The following DOCK4 variants were observed in gnomAD, a reference collection of about 807,000 sequenced individuals.
DOCK4 encodes dedicator of cytokinesis 4.
DOCK4 carries 97 observed loss-of-function variants against 268.1 expected under a neutral mutation model. The observed-to-expected ratio is 0.36, with a 90% CI of 0.31 to 0.43. The LOEUF is 0.43. Among genes scored for constraint, DOCK4 ranks in the 20% least tolerant of loss-of-function variants. DOCK4 has a pLI of 1.00. For missense variants in DOCK4, 2,145 were observed against 2,455.7 expected, an observed-to-expected ratio of 0.87 and a Z score of 2.67; for synonymous variants, 954 against 887.2, an observed-to-expected ratio of 1.08 and a Z score of -1.34.
At chr7:111,943,003 T>G (rs1486593223) in intron 10 of DOCK4, among the ~76,000 whole-genome samples, 1 of 152,206 alleles carries the variant, frequency 6.6e-6, no homozygotes, top group African/African-American at 2.4e-5. Flanking sequence ...TGAAAGACAA[T>G]GATCTGCCAC....
chr7:111,996,295 C>T (rs1398834350), intron 4 of DOCK4, among the ~76,000 whole-genome samples: 1 of 152,162 alleles, frequency 6.6e-6, no homozygotes, highest in East Asian at 1.9e-4. Flanking sequence ...AATTTTTAAG[C>T]ATAAAATTGC....
At chr7:111,974,737 C>T (rs1798037562) in intron 8 of DOCK4, among the ~76,000 whole-genome samples, 1 of 151,562 alleles carries the variant, frequency 6.6e-6, no homozygotes, top group Non-Finnish European at 1.5e-5. Flanking sequence ...TTGGGGAACA[C>T]AAACACAACA....
chr7:111,810,979 G>A (rs572958570), intron 28 of DOCK4, among the ~76,000 whole-genome samples: 1 of 152,244 alleles, frequency 6.6e-6, no homozygotes, highest in South Asian at 2.1e-4. Context: ...TCCAGCCTGG[G>A]CAACAGAGCA....
chr7:112,203,010 T>C (rs1821080697), intron 1 of DOCK4, among the ~76,000 whole-genome samples: 1 of 152,172 alleles, frequency 6.6e-6, no homozygotes, highest in Non-Finnish European at 1.5e-5. Flanking sequence ...GTCTCTGTCA[T>C]AGCAGTCTCA....
chr7:111,973,156 C>CATGCATATATATATATATATATAT (rs1554399516), intron 8 of DOCK4, among the ~76,000 whole-genome samples: 1 of 114,062 alleles, frequency 8.8e-6, no homozygotes, highest in African/African-American at 3.6e-5. Flanking sequence ...TATTCCATGG[C>CATGCATATATATATATATATATAT]ATATATATAT....
At chr7:112,004,537 T>C (rs1800698238) in intron 1 of DOCK4, among the ~76,000 whole-genome samples, 1 of 152,200 alleles carries the variant, frequency 6.6e-6, no homozygotes, top group South Asian at 2.1e-4. Context: ...AGGAATATAT[T>C]TCCTGCTTGT....
intron 1 of DOCK4, among the ~76,000 whole-genome samples, chr7:112,175,077 A>G (rs1435142378): frequency 2.0e-5 from 3 of 151,410 alleles, no homozygotes; most frequent in Non-Finnish European, 4.4e-5. Context: ...GTTAGCCAGG[A>G]TGGTCTTGAT....
intron 25 of DOCK4, 63 bp downstream of exon 25, chr7:111,844,700 C>T: frequency 6.5e-7 from 1 of 1,539,012 alleles, no homozygotes; most frequent in Admixed American, 2.0e-5. Flanking sequence ...CATCAAGCCA[C>T]CTGCAACGTG....
intron 30 of DOCK4, among the ~76,000 whole-genome samples, chr7:111,807,227 T>C (rs1408201892): frequency 1.3e-5 from 2 of 152,272 alleles, no homozygotes; most frequent in South Asian, 2.1e-4. Flanking sequence ...TTCAAACAGA[T>C]TCAATGCAGC....
Position 111,968,653 on chromosome 7 carries a change from G to A in DOCK4, c.701+8479C>T, listed in dbSNP as rs1351294737. On this transcript the variant is annotated intron_variant, in intron 8 of 52. Transcript: ENST00000428084. ...CAACCATTGTGGAAGTCAGTGTGGC[G>A]ATTCCTCAGGGATCTAGAACTAGAA... is the stretch of plus-strand genomic sequence containing the variant. 3.3e-5 allele frequency among the ~76,000 whole-genome samples: 4 copies of A among 121,420 alleles called. 1 individual carries two copies. Among genetic ancestry groups the A allele is most frequent in the Non-Finnish European group, 6.4e-5 (4 of 62,148 alleles). 79.7% of individuals were successfully genotyped at this position (121,420 alleles called of 152,430 possible).
At chr7:112,140,200 T>C (rs527679987) in intron 1 of DOCK4, among the ~76,000 whole-genome samples, 1 of 152,126 alleles carries the variant, frequency 6.6e-6, no homozygotes, top group East Asian at 1.9e-4. Flanking sequence ...AAGTAAAAGA[T>C]TAGTCACAAT....
intron 26 of DOCK4, among the ~76,000 whole-genome samples, chr7:111,826,711 A>G (rs1204448148): frequency 6.6e-6 from 1 of 152,072 alleles, no homozygotes; most frequent in Non-Finnish European, 1.5e-5. Context: ...ATGGGAACAG[A>G]CATGGGGGAT....
At chr7:112,052,487 T>C (rs1410863718) in intron 1 of DOCK4, among the ~76,000 whole-genome samples, 1 of 152,156 alleles carries the variant, frequency 6.6e-6, no homozygotes, top group Non-Finnish European at 1.5e-5. Context: ...ATATAATGTA[T>C]TACAGATTTC....
intron 8 of DOCK4, chr7:111,953,547 A>G (rs1796224586): frequency 6.6e-6 from 1 of 152,220 alleles, no homozygotes; most frequent in Non-Finnish European, 1.5e-5. Flanking sequence ...CCCAAAATAT[A>G]CTTCTTTGGC....
intron 1 of DOCK4, among the ~76,000 whole-genome samples, chr7:112,042,253 A>G (rs1250126363): frequency 6.6e-6 from 1 of 152,226 alleles, no homozygotes; most frequent in Non-Finnish European, 1.5e-5. Flanking sequence ...AGTGAACCCT[A>G]TTCTACTTAC....
intron 52 of DOCK4, 73 bp from the exon 53 acceptor site, chr7:111,728,793 C>T: frequency 7.0e-7 from 1 of 1,430,130 alleles, no homozygotes; most frequent in Non-Finnish European, 9.3e-7. Flanking sequence ...GAAATGTACG[C>T]CCCGACGCGG....
At chr7:112,180,319 T>G (rs1818911956) in intron 1 of DOCK4, among the ~76,000 whole-genome samples, 2 of 151,812 alleles carry the variant, frequency 1.3e-5, no homozygotes, top group African/African-American at 4.8e-5. Flanking sequence ...ACCAAAGACT[T>G]CAGAAAAACA....
chr7:112,100,137 T>C (rs1260689034), intron 1 of DOCK4, among the ~76,000 whole-genome samples: 2 of 152,222 alleles, frequency 1.3e-5, no homozygotes, highest in Non-Finnish European at 2.9e-5. Context: ...CTACTGTGCA[T>C]AGGAATATTA....
chr7:111,994,461 AAG>A (rs1799770244), intron 4 of DOCK4, among the ~76,000 whole-genome samples: 1 of 152,188 alleles, frequency 6.6e-6, no homozygotes, highest in South Asian at 2.1e-4. Context: ...CAGCGTGGTG[AAG>A]AAGGAACAGC....
Sources: gnomAD v4.1 joint callset for allele counts (sites outside exome capture counted in the v4.1 genomes callset) on GRCh38, gnomAD v4.1.1 for gene constraint, MANE v1.5 for transcripts, NCBI Gene and HGNC (gene_info 2026-07-23, HGNC 2026-07-21) for gene names.